PPFIA2: variants seen among roughly 807,000 people sequenced by gnomAD.
The protein encoded by PPFIA2 is PPFI scaffold protein A2.
A neutral mutation model predicts 175.5 loss-of-function variants in PPFIA2; 46 were observed. That is an observed-to-expected ratio of 0.26 (90% CI 0.21 to 0.34). The LOEUF (loss-of-function observed/expected upper bound fraction) is 0.34, where lower values mean the gene tolerates loss of function less well. Ranked by LOEUF, PPFIA2 falls within the 10% of genes least tolerant of loss-of-function variation. The pLI, the probability that PPFIA2 is intolerant of heterozygous loss-of-function variation, is 1.00. For synonymous variants in PPFIA2, 568 were observed against 511.4 expected, an observed-to-expected ratio of 1.11 and a Z score of -1.49; for missense variants, 1,179 against 1,506.1, an observed-to-expected ratio of 0.78 and a Z score of 3.60.
intron 28 of PPFIA2, among the ~76,000 whole-genome samples, chr12:81,271,504 G>A (rs1330631542): frequency 6.6e-6 from 1 of 152,082 alleles, no homozygotes; most frequent in Non-Finnish European, 1.5e-5. Context: ...CCTGACCTCA[G>A]GTGATCCACC....
chr12:81,699,624 G>C (rs1469399101), intron 3 of PPFIA2, among the ~76,000 whole-genome samples: 1 of 151,598 alleles, frequency 6.6e-6, no homozygotes, highest in Non-Finnish European at 1.5e-5. Flanking sequence ...CTAAATGAAA[G>C]AAAAAACAAA....
intron 3 of PPFIA2, among the ~76,000 whole-genome samples, chr12:81,698,580 G>A (rs1280810384): frequency 6.6e-6 from 1 of 152,144 alleles, no homozygotes; most frequent in African/African-American, 2.4e-5. Flanking sequence ...TAAAGAGCCA[G>A]AGGAAAGAAC....
At chr12:81,362,005 G>C (rs867060744) in intron 15 of PPFIA2, among the ~76,000 whole-genome samples, 9 of 147,586 alleles carry the variant, frequency 6.1e-5, no homozygotes, top group South Asian at 4.3e-4. Context: ...ATGTATCTAT[G>C]TATCTATCTA....
chr12:81,391,427 C>G (rs1431833099), intron 8 of PPFIA2, among the ~76,000 whole-genome samples: 1 of 151,764 alleles, frequency 6.6e-6, no homozygotes, highest in African/African-American at 2.4e-5. Context: ...ATTACGATGG[C>G]CTTTGTTTTT....
At chr12:81,262,505 A>G (rs2035947374) in intron 31 of PPFIA2, among the ~76,000 whole-genome samples, 1 of 152,212 alleles carries the variant, frequency 6.6e-6, no homozygotes, top group Admixed American at 6.5e-5. Flanking sequence ...TTGAGTTATA[A>G]TAACTGTGAC....
chr12:81,311,093 A>G (rs929801201), intron 22 of PPFIA2, among the ~76,000 whole-genome samples: 1 of 152,226 alleles, frequency 6.6e-6, no homozygotes, highest in Non-Finnish European at 1.5e-5. Flanking sequence ...CAAATGCAGT[A>G]GTCTACACCA....
At chr12:81,426,143 A>C (rs1034621015) in intron 7 of PPFIA2, among the ~76,000 whole-genome samples, 3 of 152,210 alleles carry the variant, frequency 2.0e-5, no homozygotes, top group Non-Finnish European at 4.4e-5. Context: ...TGAATCAAAC[A>C]GGTAATTAAT....
chr12:81,481,968 G>T (rs990080170), intron 4 of PPFIA2, among the ~76,000 whole-genome samples: 25 of 152,112 alleles, frequency 1.6e-4, no homozygotes, highest in Non-Finnish European at 3.7e-4. Context: ...TACAGAATGG[G>T]AGAAAATTTT....
At position 81,384,212 on chromosome 12, in the gene PPFIA2, A is replaced by C. The variant is rs1405126548; in HGVS notation, c.795T>G (p.Asp265Glu). 8.7e-6 allele frequency: 14 copies of C among 1,601,248 alleles called. No homozygotes were observed. The highest frequency in any genetic ancestry group is 1.1e-5 in the Non-Finnish European group (13 of 1,172,480). The part of the protein sequence containing the change: ...RLSNGSIDST[D>E]ETSQIVELQE... ...GTAGTTCAACTATTTGACTAGTTTCATCGGTTGAGTCTATAGAACCATTGG... is the reference window on the plus strand; with the variant it reads ...GTAGTTCAACTATTTGACTAGTTTCCTCGGTTGAGTCTATAGAACCATTGG... Residue 265 changes from aspartate (D) to glutamate (E), a missense_variant, in exon 9 of 33, where the codon GAT becomes GAG. Asp to Glu is a conservative substitution (Grantham distance 45, BLOSUM62 2). This residue lies in a region of PPFIA2 where 226 missense variants were observed against 216.6 expected (regional missense o/e 1.04). Transcript: ENST00000549396.
Position 81,277,298 on chromosome 12 carries a change from T to C in PPFIA2, c.3310+19A>G, listed in dbSNP as rs1033682587. On this transcript the variant is annotated intron_variant, in intron 28 of 32. Transcript: ENST00000549396. The stretch of plus-strand genomic sequence containing the variant: ...AACCCCAGAATAAAGGCATTTCATA[T>C]GAAAGAAAGATATATTACCTTTTAT... The C allele has an allele frequency of 5.9e-6, 9 of 1,520,998 alleles. No homozygotes were observed. The highest frequency in any genetic ancestry group is 1.3e-5 in the South Asian group (1 of 77,954). The allele number at this position is 1,520,998 out of a possible 1,614,324, so 94.2% of individuals were successfully genotyped here. A position where few individuals can be genotyped will look rare whatever the true frequency, so the allele number is the denominator to read the frequency against.
At chr12:81,264,505 G>A (rs532821236) in intron 30 of PPFIA2, among the ~76,000 whole-genome samples, 26 of 152,162 alleles carry the variant, frequency 1.7e-4, no homozygotes, top group African/African-American at 6.3e-4. Flanking sequence ...CCAAGTATAT[G>A]TTGTGTATCC....
At chr12:81,349,960 C>T (rs1013426582) in intron 17 of PPFIA2, among the ~76,000 whole-genome samples, 1 of 152,102 alleles carries the variant, frequency 6.6e-6, no homozygotes, top group Non-Finnish European at 1.5e-5. Flanking sequence ...TAGCAGTTCA[C>T]CTGGTTTGAA....
chr12:81,432,559 G>A (rs1446401994), intron 7 of PPFIA2, among the ~76,000 whole-genome samples: 10 of 150,496 alleles, frequency 6.6e-5, no homozygotes, highest in African/African-American at 2.0e-4. Context: ...TCTGCCTCCC[G>A]GGTTCAAGCG....
At chr12:81,743,937 A>T (rs1158328026) in intron 3 of PPFIA2, among the ~76,000 whole-genome samples, 1 of 152,198 alleles carries the variant, frequency 6.6e-6, no homozygotes, top group Non-Finnish European at 1.5e-5. Context: ...AATAGTAATT[A>T]TTTATGAAAT....
Position 81,369,174 on chromosome 12 carries a change from A to G in PPFIA2, c.1287T>C (p.Asn429=), listed in dbSNP as rs572460303. The G allele has an allele frequency of 3.2e-4, 514 of 1,608,844 alleles. 5 individuals are homozygous for G. In the South Asian group the frequency reaches 5.3e-3, roughly 17 times the overall value. Residue 429 remains asparagine (N), a synonymous_variant, in exon 12 of 33, where the codon AAT becomes AAC. Coordinates refer to ENST00000549396, the MANE Select transcript of PPFIA2 (RefSeq NM_003625.5). ...ALTKAEERHG[N]IEERMRHLEG... is the part of the protein sequence containing the mutation. ...CTAAATGTCTCATACGTTCTTCAAT[A>G]TTTCCATGTCTCTCTTCAGCCTGTT... is the stretch of plus-strand genomic sequence containing the variant.
rs2065440731 is a variant in PPFIA2, at chr12:81,642,799, GTATGTATGTATTA to G, written c.303+33979_303+33991del. Among the ~76,000 whole-genome samples the G allele has an allele frequency of 7.7e-5, 2 of 26,064 alleles. 1 individual carries two copies. Among genetic ancestry groups the G allele is most frequent in the Non-Finnish European group, 1.5e-4 (2 of 13,652 alleles). The allele number at this position is 26,064 out of a possible 152,430, so 17.1% of individuals were successfully genotyped here. ...ATGTATTATATACATACATGTATAT[GTATGTATGTATTA>G]CATACATGTATATGTATGTATGTAT... On this transcript the variant is annotated intron_variant, in intron 4 of 32. Transcript: ENST00000549396.
At chr12:81,563,599 C>T (rs1021572920) in intron 4 of PPFIA2, among the ~76,000 whole-genome samples, 1 of 152,114 alleles carries the variant, frequency 6.6e-6, no homozygotes, top group Admixed American at 6.5e-5. Flanking sequence ...AAGAACAACC[C>T]CTCTACTCAG....
intron 3 of PPFIA2, among the ~76,000 whole-genome samples, chr12:81,742,134 T>A (rs1369915815): frequency 6.6e-6 from 1 of 152,148 alleles, no homozygotes. Context: ...AGATATGTTA[T>A]CAGATAGGTA....
Position 81,277,599 on chromosome 12 carries a change from T to A in PPFIA2, c.3213-185A>T, listed in dbSNP as rs190646381. ...ATTTATAATTATTCTAAGCACAAAA[T>A]GTTTCGAAGTAATAGAAAAAAAGTT... is the stretch of plus-strand genomic sequence containing the variant. On this transcript the variant is annotated intron_variant, in intron 27 of 32. Transcript: ENST00000549396. 8.4e-4 allele frequency among the ~76,000 whole-genome samples: 128 copies of A among 152,226 alleles called. 1 individual carries two copies. Among genetic ancestry groups the A allele is most frequent in the African/African-American group, 2.9e-3 (122 of 41,552 alleles).
Sources: gnomAD v4.1 joint callset for allele counts (sites outside exome capture counted in the v4.1 genomes callset) on GRCh38, gnomAD v4.1.1 for gene constraint, gnomAD v4.1.1 regional missense constraint, MANE v1.5 for transcripts, NCBI Gene and HGNC (gene_info 2026-07-23, HGNC 2026-07-21) for gene names.